TUBB8B: variants seen among roughly 807,000 people sequenced by gnomAD.
The protein encoded by TUBB8B is tubulin beta 8B.
TUBB8B carries 26 observed loss-of-function variants against 31.9 expected under a neutral mutation model. The observed-to-expected ratio is 0.81, with a 90% CI of 0.60 to 1.13. TUBB8B has a LOEUF of 1.13. Among genes scored for constraint, TUBB8B ranks in the 50% most tolerant of loss-of-function variants. The pLI is 0.00. For missense variants in TUBB8B, 467 were observed against 586.7 expected (o/e 0.80, Z 2.11); for synonymous variants, 173 against 231.0 (o/e 0.75, Z 2.28).
the TUBB8B span, among the ~76,000 whole-genome samples, chr18:69,935 T>C: frequency 3.3e-5 from 5 of 152,078 alleles, no homozygotes; most frequent in South Asian, 2.1e-4. Flanking sequence ...GGCGGGCGGA[T>C]CAGCTGAGGT....
In TUBB8B at chr18:49,150, C is replaced by A; in HGVS notation, c.145G>T (p.Val49Leu). 6.5e-7 allele frequency: 1 copy of A among 1,531,026 alleles called. No homozygotes were observed. The allele number at this position is 1,531,026 out of a possible 1,614,324, so 94.8% of individuals were successfully genotyped here. The change falls in exon 2 of 4, where the codon GTG (valine) becomes TTG (leucine). Residue 49 changes from valine to leucine, a missense_variant. Transcript: ENST00000308911. ...GCACCGCTGGCCTCGTGGTGGTGCA[C>A]GTTGATGCGCTCCAGCTGCAGGTGG... Reference protein sequence around the residue: ...DSHLQLERINVHHHEASGGRY... With the variant: ...DSHLQLERINLHHHEASGGRY...
upstream of TUBB8B, among the ~76,000 whole-genome samples, chr18:51,231 C>T (rs1243586017): frequency 3.4e-4 from 47 of 137,442 alleles, no homozygotes; most frequent in East Asian, 1.3e-3. Flanking sequence ...GGGCTCATCT[C>T]TCTTAAGTCT....
chr18:51,377 G>T (rs181316503), upstream of TUBB8B, among the ~76,000 whole-genome samples: 363 of 151,958 alleles, frequency 2.4e-3, 1 homozygote, highest in African/African-American at 8.3e-3. Flanking sequence ...ATTGAATCAG[G>T]GGATGGGTCT....
the TUBB8B span, among the ~76,000 whole-genome samples, chr18:72,562 G>A: frequency 6.6e-6 from 1 of 152,078 alleles, no homozygotes; most frequent in Non-Finnish European, 1.5e-5. Context: ...TTTGAGACAA[G>A]GTCTCGCTCT....
rs1905637286 is a variant in TUBB8B, at chr18:47,372, A to T, written c.*18T>A. 1.2e-5 allele frequency: 9 copies of T among 748,734 alleles called. No individual in the cohort carries two copies. In the Admixed American group the frequency reaches 1.5e-4, roughly 12 times the overall value. The allele number at this position is 748,734 out of a possible 1,614,324, so 46.4% of individuals were successfully genotyped here. A position where few individuals can be genotyped will look rare whatever the true frequency, so the allele number is the denominator to read the frequency against. ...AGAATCCACACTGCTTCCCCCCTTTACCTAGAAAAGGAGAGTTCTAGGCCA... is the reference window on the plus strand; with the variant it reads ...AGAATCCACACTGCTTCCCCCCTTTTCCTAGAAAAGGAGAGTTCTAGGCCA... On this transcript the variant is annotated 3_prime_UTR_variant, in exon 4 of 4. Transcript: ENST00000308911.
At chr18:62,323 G>A in the TUBB8B span, among the ~76,000 whole-genome samples, 2 of 151,340 alleles carry the variant, frequency 1.3e-5, no homozygotes, top group South Asian at 4.2e-4. Flanking sequence ...TCTTCTTTGG[G>A]TTAAATCTGC....
the TUBB8B span, among the ~76,000 whole-genome samples, chr18:61,580 A>T: frequency 6.6e-6 from 1 of 151,444 alleles, no homozygotes; most frequent in Non-Finnish European, 1.5e-5. Flanking sequence ...AATATTATCT[A>T]ATTTATTGCT....
At chr18:62,911 T>C in the TUBB8B span, among the ~76,000 whole-genome samples, 1 of 151,884 alleles carries the variant, frequency 6.6e-6, no homozygotes, top group Non-Finnish European at 1.5e-5. Flanking sequence ...CCTTGATCAA[T>C]TTTTTTAAGT....
At chr18:56,600 T>A in the TUBB8B span, among the ~76,000 whole-genome samples, 1 of 151,946 alleles carries the variant, frequency 6.6e-6, no homozygotes, top group Non-Finnish European at 1.5e-5. Flanking sequence ...GGTTACTTTT[T>A]TGAATTCTTT....
upstream of TUBB8B, among the ~76,000 whole-genome samples, chr18:52,515 C>A (rs1166307941): frequency 6.6e-6 from 1 of 151,684 alleles, no homozygotes; most frequent in African/African-American, 2.4e-5. Context: ...TAATATTATA[C>A]CCTAGGGCCT....
chr18:67,755 C>T, the TUBB8B span, among the ~76,000 whole-genome samples: 1 of 152,070 alleles, frequency 6.6e-6, no homozygotes, highest in African/African-American at 2.4e-5. Flanking sequence ...TATCGTAATA[C>T]TGATATGACA....
At chr18:63,565 C>A in the TUBB8B span, among the ~76,000 whole-genome samples, 1 of 151,390 alleles carries the variant, frequency 6.6e-6, no homozygotes, top group Non-Finnish European at 1.5e-5. Context: ...TTGGTCTCAC[C>A]CAAGGCCCAC....
the TUBB8B span, among the ~76,000 whole-genome samples, chr18:72,237 G>A: frequency 6.9e-6 from 1 of 145,320 alleles, no homozygotes; most frequent in East Asian, 2.3e-4. Flanking sequence ...AGGGCCATAC[G>A]GGTTTACAGC....
chr18:64,992 T>G, the TUBB8B span, among the ~76,000 whole-genome samples: 1 of 152,156 alleles, frequency 6.6e-6, no homozygotes, highest in Non-Finnish European at 1.5e-5. Context: ...ATGTCTAGTA[T>G]AATTATTCAA....
chr18:65,414 G>C, the TUBB8B span, among the ~76,000 whole-genome samples: 5 of 152,078 alleles, frequency 3.3e-5, no homozygotes, highest in Admixed American at 3.3e-4. Flanking sequence ...AATCAAGCTG[G>C]TTTGGCATAC....
chr18:49,661 C>T, upstream of TUBB8B: 3 of 711,426 alleles, frequency 4.2e-6, no homozygotes, highest in South Asian at 1.5e-5. Flanking sequence ...CCGCGTCCAC[C>T]TCCCTCAGCC....
chr18:58,571 A>C, the TUBB8B span, among the ~76,000 whole-genome samples: 5 of 151,694 alleles, frequency 3.3e-5, no homozygotes, highest in African/African-American at 1.2e-4. Context: ...CTCAGCCTTC[A>C]CCGTCCAGAT....
At chr18:56,170 T>G in the TUBB8B span, among the ~76,000 whole-genome samples, 4 of 151,998 alleles carry the variant, frequency 2.6e-5, no homozygotes, top group African/African-American at 4.8e-5. Flanking sequence ...AGTTCTCTAT[T>G]TCATTCCATT....
Position 48,130 on chromosome 18 carries a change from T to C in TUBB8B, c.595A>G (p.Thr199Ala). The part of the protein sequence containing the change: ...VHQLIENADE[T>A]FCIDNEALYD... ...AGCGCTTCGTTATCTATGCAGAAGGTCTCATCCGCGTTTTCTATGAGCTGG... is the reference window on the plus strand; with the variant it reads ...AGCGCTTCGTTATCTATGCAGAAGGCCTCATCCGCGTTTTCTATGAGCTGG... The change falls in exon 4 of 4, where the codon ACC becomes GCC. Residue 199 changes from threonine to alanine, a missense_variant. This residue lies in a region of TUBB8B where 259 missense variants were observed against 380.1 expected (regional missense o/e 0.68). Transcript: ENST00000308911. 5 of 1,614,172 alleles carry C rather than the reference T, an allele frequency of 3.1e-6. No homozygotes were observed. Among genetic ancestry groups the C allele is most frequent in the Non-Finnish European group, 4.2e-6 (5 of 1,179,986 alleles).
Sources: gnomAD v4.1 joint callset for allele counts (sites outside exome capture counted in the v4.1 genomes callset) on GRCh38, gnomAD v4.1.1 for gene constraint, gnomAD v4.1.1 regional missense constraint, MANE v1.5 for transcripts, NCBI Gene and HGNC (gene_info 2026-07-23, HGNC 2026-07-21) for gene names.